PTPRD: variants seen among roughly 807,000 people sequenced by gnomAD.
PTPRD encodes the protein protein tyrosine phosphatase receptor type D.
Under a neutral mutation model 214.5 loss-of-function variants are expected in PTPRD, and 34 were observed. That is an observed-to-expected ratio of 0.16 (90% CI 0.12 to 0.21). The LOEUF is 0.21. Ranked by LOEUF, PTPRD falls within the 10% of genes least tolerant of loss-of-function variation. The pLI is 1.00. For synonymous variants in PTPRD, 1,128 were observed against 845.7 expected, an observed-to-expected ratio of 1.33 and a Z score of -5.79; for missense variants, 2,545 against 2,398.7, an observed-to-expected ratio of 1.06 and a Z score of -1.27.
At chr9:10,217,885 C>A (rs1006005267) in intron 3 of PTPRD, among the ~76,000 whole-genome samples, 8 of 151,766 alleles carry the variant, frequency 5.3e-5, no homozygotes, top group Admixed American at 5.3e-4. Context: ...CTCCATTGGC[C>A]CTTAGAATGT....
chr9:9,683,978 C>T (rs935460622), intron 7 of PTPRD, among the ~76,000 whole-genome samples: 6 of 151,528 alleles, frequency 4.0e-5, no homozygotes, highest in South Asian at 2.1e-4. Context: ...TGCCAAAACA[C>T]GCTCTGAAAA....
chr9:9,582,501 T>A (rs1477398608), intron 7 of PTPRD, among the ~76,000 whole-genome samples: 4 of 151,986 alleles, frequency 2.6e-5, no homozygotes, highest in Non-Finnish European at 4.4e-5. Context: ...GATGAATTAT[T>A]TCTTGAATCT....
intron 10 of PTPRD, among the ~76,000 whole-genome samples, chr9:9,052,732 G>T (rs544076214): frequency 6.6e-6 from 1 of 152,204 alleles, no homozygotes; most frequent in Non-Finnish European, 1.5e-5. Flanking sequence ...GTACAAAGCT[G>T]TAAAGAAGTC....
chr9:10,071,829 C>T (rs1445337488), intron 3 of PTPRD, among the ~76,000 whole-genome samples: 16 of 151,894 alleles, frequency 1.1e-4, no homozygotes. Context: ...AAATCATACA[C>T]CTTGACAATT....
chr9:8,976,611 G>A (rs1044751858), intron 11 of PTPRD, among the ~76,000 whole-genome samples: 23 of 152,050 alleles, frequency 1.5e-4, no homozygotes, highest in African/African-American at 4.8e-4. Context: ...GTAAAGAAAA[G>A]TTTTGTCTAA....
At chr9:10,088,877 G>T (rs986086304) in intron 3 of PTPRD, among the ~76,000 whole-genome samples, 1 of 151,520 alleles carries the variant, frequency 6.6e-6, no homozygotes, top group Non-Finnish European at 1.5e-5. Flanking sequence ...GAATTTTTGG[G>T]GTGATGGAAA....
chr9:10,005,150 C>T (rs2096445906), intron 4 of PTPRD, among the ~76,000 whole-genome samples: 1 of 151,898 alleles, frequency 6.6e-6, no homozygotes, highest in Non-Finnish European at 1.5e-5. Context: ...ATTGTATAAC[C>T]TTTGGGCGAT....
intron 4 of PTPRD, among the ~76,000 whole-genome samples, chr9:9,979,766 T>G (rs2095476680): frequency 6.6e-6 from 1 of 152,158 alleles, no homozygotes; most frequent in South Asian, 2.1e-4. Flanking sequence ...TAAGACATAC[T>G]GCAAACGCAC....
intron 11 of PTPRD, among the ~76,000 whole-genome samples, chr9:8,804,053 A>G (rs1391651221): frequency 6.6e-6 from 1 of 151,984 alleles, no homozygotes; most frequent in Non-Finnish European, 1.5e-5. Context: ...CCTGGGTTCA[A>G]GCAATTCTCC....
rs1338292849 is a variant in PTPRD, at chr9:9,747,532, CTTTTTTGT to C, written c.-325-12969_-325-12962del. ...CTCAGATTATACCTGGTGACTGAATCTTTTTTGTTTTTTTTTTTTTTTTTTCTCCCTGA... is the reference window on the plus strand; with the variant it reads ...CTCAGATTATACCTGGTGACTGAATCTTTTTTTTTTTTTTTTTCTCCCTGA... On this transcript the variant is annotated intron_variant, in intron 6 of 45. Transcript: ENST00000381196. Among the ~76,000 whole-genome samples, 155 of 104,626 alleles carry C rather than the reference CTTTTTTGT, an allele frequency of 1.5e-3. No homozygotes were observed. The Middle Eastern group carries it at 0.074, about 50-fold the overall frequency. 68.6% of individuals were successfully genotyped at this position (104,626 alleles called of 152,430 possible). A position where few individuals can be genotyped will look rare whatever the true frequency, so the allele number is the denominator to read the frequency against.
At chr9:10,256,153 C>G (rs193066034) in intron 3 of PTPRD, among the ~76,000 whole-genome samples, 164 of 152,264 alleles carry the variant, frequency 1.1e-3, no homozygotes, top group African/African-American at 3.8e-3. Context: ...CCAACCCACC[C>G]TCTCCCATTG....
At chr9:9,936,152 CAGGACAT>C (rs1205133667) in intron 5 of PTPRD, among the ~76,000 whole-genome samples, 1 of 147,830 alleles carries the variant, frequency 6.8e-6, no homozygotes, top group Non-Finnish European at 1.5e-5. Flanking sequence ...CATTACCATT[CAGGACAT>C]AGGCATGGGC....
intron 12 of PTPRD, among the ~76,000 whole-genome samples, chr9:8,646,537 T>C (rs1008012479): frequency 6.6e-6 from 1 of 152,120 alleles, no homozygotes; most frequent in East Asian, 1.9e-4. Context: ...TGTTCCCTCA[T>C]GTAAAATGCC....
intron 3 of PTPRD, among the ~76,000 whole-genome samples, chr9:10,311,551 A>G (rs1480865158): frequency 6.6e-6 from 1 of 152,046 alleles, no homozygotes; most frequent in Non-Finnish European, 1.5e-5. Flanking sequence ...TGCTCATTCT[A>G]TCCTGCATTT....
chr9:8,792,338 A>T (rs1427552477), intron 11 of PTPRD, among the ~76,000 whole-genome samples: 1 of 152,220 alleles, frequency 6.6e-6, no homozygotes, highest in Non-Finnish European at 1.5e-5. Flanking sequence ...GAGTTCCAGA[A>T]CATACGCATT....
chr9:9,885,697 C>T (rs1029844718), intron 5 of PTPRD, among the ~76,000 whole-genome samples: 1 of 151,944 alleles, frequency 6.6e-6, no homozygotes, highest in African/African-American at 2.4e-5. Flanking sequence ...AGAATGTGGG[C>T]AACCTCCAGA....
intron 2 of PTPRD, among the ~76,000 whole-genome samples, chr9:10,557,768 G>A (rs1363890351): frequency 6.6e-6 from 1 of 152,184 alleles, no homozygotes; most frequent in Non-Finnish European, 1.5e-5. Context: ...GAAGGGCTAA[G>A]GAGGTCATTT....
intron 12 of PTPRD, among the ~76,000 whole-genome samples, chr9:8,709,083 C>T (rs929635287): frequency 6.6e-6 from 1 of 151,858 alleles, no homozygotes; most frequent in Admixed American, 6.6e-5. Flanking sequence ...TAGTGGCTAT[C>T]AGAGGCTGGG....
intron 8 of PTPRD, among the ~76,000 whole-genome samples, chr9:9,464,637 T>C (rs2093977766): frequency 2.6e-5 from 4 of 152,170 alleles, no homozygotes; most frequent in Admixed American, 2.6e-4. Context: ...CTGATCACCT[T>C]AACATTGGAG....
Sources: allele counts gnomAD v4.1 joint callset (sites outside exome capture counted in the v4.1 genomes callset), GRCh38; gene constraint gnomAD v4.1.1; transcripts MANE v1.5; gene names NCBI Gene and HGNC (gene_info 2026-07-23, HGNC 2026-07-21).